Variants in MAPKAP1 observed in about 807,000 individuals in gnomAD.
MAPKAP1 encodes the protein MAPK associated protein 1.
In MAPKAP1, 20 loss-of-function variants were observed where a neutral mutation model predicts 65.7. The observed-to-expected ratio is 0.30, with a 90% CI of 0.21 to 0.44. The LOEUF (loss-of-function observed/expected upper bound fraction) is 0.44. MAPKAP1 is among the 20% of genes least tolerant of loss of function. The pLI is 1.00. For missense variants in MAPKAP1, 423 were observed against 648.0 expected (o/e 0.65, Z 3.77); for synonymous variants, 222 against 244.3 (o/e 0.91, Z 0.85).
chr9:125,457,028 G>A (rs1351997798), intron 10 of MAPKAP1, among the ~76,000 whole-genome samples: 1 of 145,056 alleles, frequency 6.9e-6, no homozygotes, highest in African/African-American at 2.6e-5. Context: ...TCACTCTGCT[G>A]TCCAGGCTGG....
chr9:125,456,990 A>AT (rs36063329), intron 10 of MAPKAP1, among the ~76,000 whole-genome samples: 46,971 of 143,522 alleles, frequency 0.33, 7,822 homozygotes, highest in East Asian at 0.41. Context: ...CATTTAGTGA[A>AT]TTTTTTTTTT....
At chr9:125,686,311 CA>C (rs35807247) in intron 1 of MAPKAP1, among the ~76,000 whole-genome samples, 7,618 of 56,766 alleles carry the variant, frequency 0.13, 456 homozygotes, top group African/African-American at 0.32. Flanking sequence ...GACTCTGTCT[CA>C]AAAAAAAAAA....
At chr9:125,578,754 T>G (rs1831527770) in intron 5 of MAPKAP1, among the ~76,000 whole-genome samples, 1 of 152,210 alleles carries the variant, frequency 6.6e-6, no homozygotes, top group Non-Finnish European at 1.5e-5. Flanking sequence ...ATTGAAATAT[T>G]AGGAAAAGTT....
intron 7 of MAPKAP1, among the ~76,000 whole-genome samples, chr9:125,532,289 G>T (rs1829956012): frequency 1.3e-5 from 2 of 152,112 alleles, no homozygotes; most frequent in African/African-American, 4.8e-5. Context: ...TTTTGTAAAG[G>T]TTAAATACAA....
chr9:125,571,491 T>C (rs1471850774), intron 5 of MAPKAP1, among the ~76,000 whole-genome samples: 1 of 152,226 alleles, frequency 6.6e-6, no homozygotes, highest in Non-Finnish European at 1.5e-5. Context: ...CATGAATATC[T>C]AATAGAACAT....
At chr9:125,556,453 A>C (rs1830737875) in intron 6 of MAPKAP1, among the ~76,000 whole-genome samples, 1 of 152,264 alleles carries the variant, frequency 6.6e-6, no homozygotes, top group African/African-American at 2.4e-5. Flanking sequence ...ATCCAGGCCT[A>C]AGAACAATAT....
chr9:125,546,119 G>A (rs756122123), intron 6 of MAPKAP1, among the ~76,000 whole-genome samples: 12 of 152,172 alleles, frequency 7.9e-5, no homozygotes, highest in Non-Finnish European at 1.8e-4. Context: ...TGAAGCCAGG[G>A]TAGCAAGGTT....
At chr9:125,644,740 C>T (rs1194161246) in intron 4 of MAPKAP1, among the ~76,000 whole-genome samples, 8 of 152,106 alleles carry the variant, frequency 5.3e-5, no homozygotes, top group African/African-American at 7.2e-5. Flanking sequence ...TAATGCTGAA[C>T]GCTTAATGAA....
chr9:125,701,825 T>G (rs2131882772), intron 1 of MAPKAP1, among the ~76,000 whole-genome samples: 1 of 152,318 alleles, frequency 6.6e-6, no homozygotes, highest in African/African-American at 2.4e-5. Context: ...ACCAGCCAGA[T>G]CTATACTTTA....
chr9:125,652,452 T>C (rs993110457), intron 4 of MAPKAP1, among the ~76,000 whole-genome samples: 12 of 152,184 alleles, frequency 7.9e-5, no homozygotes, highest in Admixed American at 1.3e-4. Flanking sequence ...TCAACACTTA[T>C]GAAAATTAAC....
At chr9:125,704,816 T>C (rs1266036606) in intron 1 of MAPKAP1, among the ~76,000 whole-genome samples, 1 of 152,196 alleles carries the variant, frequency 6.6e-6, no homozygotes, top group African/African-American at 2.4e-5. Context: ...CTTATAGCTA[T>C]TTATTTCGGG....
At chr9:125,541,144 CCTAA>C (rs1830235101) in intron 7 of MAPKAP1, among the ~76,000 whole-genome samples, 1 of 152,146 alleles carries the variant, frequency 6.6e-6, no homozygotes, top group Admixed American at 6.5e-5. Context: ...GATAACGAGT[CCTAA>C]CTCTTTGCCA....
intron 4 of MAPKAP1, among the ~76,000 whole-genome samples, chr9:125,621,276 A>AC (rs1469942655): frequency 2.0e-5 from 3 of 152,104 alleles, no homozygotes; most frequent in Admixed American, 6.5e-5. Flanking sequence ...TTTCTCAAAA[A>AC]AAAAACAAAA....
intron 4 of MAPKAP1, among the ~76,000 whole-genome samples, chr9:125,642,860 C>T (rs1833618078): frequency 6.6e-6 from 1 of 152,112 alleles, no homozygotes; most frequent in African/African-American, 2.4e-5. Flanking sequence ...GGGACCTCCT[C>T]CAGCCTACTG....
At chr9:125,484,887 G>A (rs1313745169) in intron 8 of MAPKAP1, among the ~76,000 whole-genome samples, 3 of 152,152 alleles carry the variant, frequency 2.0e-5, no homozygotes, top group African/African-American at 4.8e-5. Context: ...AAAAGCACAA[G>A]AGCTTGGGTG....
intron 3 of MAPKAP1, among the ~76,000 whole-genome samples, chr9:125,666,574 A>G (rs1344905583): frequency 6.6e-6 from 1 of 152,228 alleles, no homozygotes; most frequent in East Asian, 1.9e-4. Flanking sequence ...AGGTTGACAC[A>G]CTTGAATCCA....
chr9:125,493,189 A>G (rs1854799128), intron 8 of MAPKAP1, among the ~76,000 whole-genome samples: 1 of 152,218 alleles, frequency 6.6e-6, no homozygotes, highest in Non-Finnish European at 1.5e-5. Context: ...AATGAGAAGT[A>G]CATAAACCCT....
intron 6 of MAPKAP1, 186 bp downstream of exon 6, chr9:125,559,447 C>G: frequency 1.9e-6 from 1 of 535,180 alleles, no homozygotes; most frequent in Non-Finnish European, 3.3e-6. Context: ...TCTGCGTAGC[C>G]TAGGTGCAGA....
chr9:125,442,935 G>A (rs923166392), intron 11 of MAPKAP1, among the ~76,000 whole-genome samples: 1 of 152,176 alleles, frequency 6.6e-6, no homozygotes, highest in African/African-American at 2.4e-5. Flanking sequence ...CATATCTGGG[G>A]AATTAAAACA....
Sources: allele counts gnomAD v4.1 joint callset (sites outside exome capture counted in the v4.1 genomes callset), GRCh38; gene constraint gnomAD v4.1.1; transcripts MANE v1.5; gene names NCBI Gene and HGNC (gene_info 2026-07-23, HGNC 2026-07-21).